The following AGXT2 variants were observed in gnomAD, a reference collection of about 807,000 sequenced individuals.
The protein encoded by AGXT2 is alanine--glyoxylate aminotransferase 2, mitochondrial.
Under a neutral mutation model 62.5 loss-of-function variants are expected in AGXT2, and 61 were observed. That is an observed-to-expected ratio of 0.98 (90% CI 0.79 to 1.21). The LOEUF (loss-of-function observed/expected upper bound fraction) is 1.21. AGXT2 is among the 50% of genes most tolerant of loss of function. The probability of loss-of-function intolerance (pLI) is 0.00; values close to 1 mark genes in which losing one functional copy is unlikely to be tolerated. For missense variants in AGXT2, 666 were observed against 641.5 expected (o/e 1.04, Z -0.41); for synonymous variants, 243 against 218.7 (o/e 1.11, Z -0.98).
chr5:35,047,434 C>A (rs1221839134), intron 1 of AGXT2, among the ~76,000 whole-genome samples: 2 of 152,054 alleles, frequency 1.3e-5, no homozygotes, highest in African/African-American at 2.4e-5. Context: ...CAGAGGGAGA[C>A]CCTGTCTCAA....
intron 9 of AGXT2, among the ~76,000 whole-genome samples, chr5:35,014,607 C>T (rs937101929): frequency 1.3e-5 from 2 of 152,100 alleles, no homozygotes; most frequent in Non-Finnish European, 2.9e-5. Context: ...AGCTATTAGG[C>T]ATCAAGAGTC....
At chr5:34,999,696 C>T (rs530327169) in intron 13 of AGXT2, among the ~76,000 whole-genome samples, 2 of 152,238 alleles carry the variant, frequency 1.3e-5, no homozygotes, top group East Asian at 3.9e-4. Flanking sequence ...TCAACTCCTG[C>T]GCCTCTCCCT....
At chr5:35,037,497 T>C (rs112126289) in intron 3 of AGXT2, among the ~76,000 whole-genome samples, 48 of 152,160 alleles carry the variant, frequency 3.2e-4, no homozygotes, top group African/African-American at 1.2e-3. Flanking sequence ...AGATCAGTAG[T>C]TCTTCCCTCC....
chr5:35,031,618 C>T (rs565582107), intron 7 of AGXT2, among the ~76,000 whole-genome samples: 23 of 152,168 alleles, frequency 1.5e-4, no homozygotes, highest in Non-Finnish European at 2.8e-4. Flanking sequence ...TTCCTGCCTC[C>T]TCTCCCTCCT....
In AGXT2 at chr5:35,006,770, G is replaced by A. The variant is rs188375450; in HGVS notation, c.1339-2909C>T. 1.3e-3 allele frequency among the ~76,000 whole-genome samples: 191 copies of A among 152,268 alleles called. 1 individual carries two copies. Among genetic ancestry groups the A allele is most frequent in the African/African-American group, 4.3e-3 (180 of 41,552 alleles). ...AAAGGGCTGTACCTCCTTACCAACA[G>A]AATATGAGAGTACCTATCCTGGGTG... is the stretch of plus-strand genomic sequence containing the variant. On this transcript the variant is annotated intron_variant, in intron 12 of 13. Coordinates refer to ENST00000231420, the MANE Select transcript of AGXT2 (RefSeq NM_031900.4).
chr5:35,012,472 T>A (rs574518336), intron 11 of AGXT2: 14 of 155,950 alleles, frequency 9.0e-5, no homozygotes, highest in African/African-American at 3.4e-4. Context: ...AATCTTTTTT[T>A]AAACAGATGC....
Position 35,033,561 on chromosome 5 carries a change from G to C in AGXT2, c.582-8C>G. ...CATCCATGGTAGGCTCCTCTGCAGA[G>C]AAGAAACAACAGGAGGATGGGGTCA... On this transcript the variant is annotated splice_region_variant and splice_polypyrimidine_tract_variant and intron_variant, in intron 5 of 13. Coordinates refer to ENST00000231420, the MANE Select transcript of AGXT2 (RefSeq NM_031900.4). 6.2e-7 allele frequency: 1 copy of C among 1,611,054 alleles called. No homozygotes were observed. Among genetic ancestry groups the C allele is most frequent in the Non-Finnish European group, 8.5e-7 (1 of 1,177,312 alleles).
At chr5:35,037,648 C>T (rs1251016109) in intron 3 of AGXT2, among the ~76,000 whole-genome samples, 7 of 152,136 alleles carry the variant, frequency 4.6e-5, no homozygotes, top group Admixed American at 2.6e-4. Context: ...AATTCCTGGG[C>T]TCAAGAGATC....
At chr5:35,047,455 A>G (rs1303138047) in intron 1 of AGXT2, among the ~76,000 whole-genome samples, 2 of 152,192 alleles carry the variant, frequency 1.3e-5, no homozygotes, top group Non-Finnish European at 2.9e-5. Flanking sequence ...AAAAGAAAAA[A>G]TAGAAATCAT....
At chr5:35,008,934 AC>A (rs1766526840) in intron 12 of AGXT2, among the ~76,000 whole-genome samples, 1 of 152,186 alleles carries the variant, frequency 6.6e-6, no homozygotes, top group South Asian at 2.1e-4. Context: ...ACAATTTCCT[AC>A]AGGCATTTAC....
intron 7 of AGXT2, 71 bp from the exon 8 acceptor site, chr5:35,026,581 T>C: frequency 6.7e-6 from 9 of 1,335,908 alleles, no homozygotes; most frequent in South Asian, 1.2e-5. Context: ...TTTAGAAACA[T>C]GGGGAAAAAC....
At chr5:35,002,777 G>GT (rs1554032853) in intron 13 of AGXT2, among the ~76,000 whole-genome samples, 2 of 75,288 alleles carry the variant, frequency 2.7e-5, no homozygotes, top group Admixed American at 1.3e-4. Flanking sequence ...ATAGCAGGCT[G>GT]GGGGGGGGGA....
chr5:35,002,779 G>GGT (rs1554032854), intron 13 of AGXT2, among the ~76,000 whole-genome samples: 2 of 131,250 alleles, frequency 1.5e-5, no homozygotes, highest in African/African-American at 6.0e-5. Flanking sequence ...AGCAGGCTGG[G>GGT]GGGGGGGACT....
intron 1 of AGXT2, among the ~76,000 whole-genome samples, chr5:35,044,422 A>G (rs1248490213): frequency 2.6e-5 from 4 of 152,200 alleles, no homozygotes; most frequent in Admixed American, 6.6e-5. Flanking sequence ...CGCTCCGGAC[A>G]TGATCTCTCA....
At chr5:35,040,736 T>C in intron 1 of AGXT2, 73 bp from the exon 2 acceptor site, 1 of 1,169,820 alleles carries the variant, frequency 8.5e-7, no homozygotes, top group Non-Finnish European at 1.3e-6. Context: ...CCTATAGTTA[T>C]CCAAATAAAA....
intron 1 of AGXT2, 77 bp downstream of exon 1, chr5:35,047,727 AG>A: frequency 6.4e-7 from 1 of 1,551,130 alleles, no homozygotes; most frequent in Non-Finnish European, 8.7e-7. Flanking sequence ...CCAGAATCCC[AG>A]GCAGCAGCCT....
chr5:35,039,719 A>T (rs1053430517), intron 2 of AGXT2, among the ~76,000 whole-genome samples: 15 of 152,184 alleles, frequency 9.9e-5, no homozygotes, highest in African/African-American at 3.1e-4. Flanking sequence ...TAGCCTTTCG[A>T]TCTCTTTTCA....
chr5:35,047,035 C>T (rs946073850), intron 1 of AGXT2, among the ~76,000 whole-genome samples: 4 of 152,132 alleles, frequency 2.6e-5, no homozygotes, highest in Non-Finnish European at 5.9e-5. Flanking sequence ...GGGGTCAAGC[C>T]CTGGCTTGGA....
At chr5:35,034,871 AAGGTGGGGAAC>A (rs1349423804) in intron 5 of AGXT2, among the ~76,000 whole-genome samples, 1 of 152,182 alleles carries the variant, frequency 6.6e-6, no homozygotes, top group African/African-American at 2.4e-5. Flanking sequence ...TTGATCTTCT[AAGGTGGGGAAC>A]AGTCATTTAC....
Sources: allele counts gnomAD v4.1 joint callset (sites outside exome capture counted in the v4.1 genomes callset), GRCh38; gene constraint gnomAD v4.1.1; transcripts MANE v1.5; gene names NCBI Gene and HGNC (gene_info 2026-07-23, HGNC 2026-07-21).